TRPC5: variants seen among roughly 807,000 people sequenced by gnomAD.
TRPC5 encodes short transient receptor potential channel 5.
A neutral mutation model predicts 56.5 loss-of-function variants in TRPC5; 9 were observed. The ratio of observed to expected loss-of-function variants is 0.16; its 90% CI spans 0.10 to 0.28. The LOEUF (loss-of-function observed/expected upper bound fraction) is 0.28. Ranked by LOEUF, TRPC5 falls within the 10% of genes least tolerant of loss-of-function variation. TRPC5 has a pLI of 1.00. For missense variants in TRPC5, 469 were observed against 748.9 expected (o/e 0.63, Z 4.36); for synonymous variants, 282 against 278.5 (o/e 1.01, Z -0.13).
chrX:111,784,748 C>G (rs1945947369), intron 7 of TRPC5, among the ~76,000 whole-genome samples: 1 of 113,007 alleles, frequency 8.8e-6, no homozygotes, highest in Non-Finnish European at 1.9e-5. Flanking sequence ...GTCTTAGCAA[C>G]TGGCAGAGAA....
chrX:111,922,313 C>T (rs1940082809), intron 2 of TRPC5, among the ~76,000 whole-genome samples: 3 of 111,776 alleles, frequency 2.7e-5, no homozygotes, highest in Admixed American at 9.5e-5. Context: ...CCAACCTCTC[C>T]AACTGGCACT....
intron 1 of TRPC5, among the ~76,000 whole-genome samples, chrX:111,971,585 C>T (rs891246749): frequency 9.0e-6 from 1 of 111,604 alleles, no homozygotes; most frequent in Admixed American, 9.5e-5. Flanking sequence ...TTAATGAATC[C>T]TGATCATTGT....
At chrX:111,797,836 GATATATT>G (rs1330556493) in intron 7 of TRPC5, among the ~76,000 whole-genome samples, 5 of 111,142 alleles carry the variant, frequency 4.5e-5, no homozygotes, top group Non-Finnish European at 7.6e-5. Flanking sequence ...GCTTTATTGA[GATATATT>G]ATATACATCA....
chrX:111,852,984 CT>C (rs1923127105), intron 4 of TRPC5, among the ~76,000 whole-genome samples: 1 of 110,443 alleles, frequency 9.1e-6, no homozygotes, highest in Admixed American at 9.7e-5. Flanking sequence ...AAAATTTTAC[CT>C]GATGACATAG....
intron 3 of TRPC5, among the ~76,000 whole-genome samples, chrX:111,893,869 T>A (rs1924931639): frequency 8.9e-6 from 1 of 112,012 alleles, no homozygotes; most frequent in South Asian, 3.7e-4. Context: ...AAAGTGTAAA[T>A]ACTCTTTTTT....
intron 7 of TRPC5, among the ~76,000 whole-genome samples, chrX:111,806,556 G>T (rs944297418): frequency 8.9e-6 from 1 of 111,933 alleles, no homozygotes; most frequent in African/African-American, 3.2e-5. Flanking sequence ...CAGAGTAAGA[G>T]AGAGAGAAAA....
chrX:111,999,536 G>A (rs73548152), intron 1 of TRPC5, among the ~76,000 whole-genome samples: 6,661 of 111,738 alleles, frequency 0.06, 485 homozygotes, highest in African/African-American at 0.2. Context: ...CACTTAGATT[G>A]ACTCCATACC....
chrX:111,954,912 A>G (rs1927191016), intron 1 of TRPC5, among the ~76,000 whole-genome samples: 1 of 112,000 alleles, frequency 8.9e-6, no homozygotes, highest in Non-Finnish European at 1.9e-5. Flanking sequence ...AATAATCATT[A>G]GTTTTGAATA....
At chrX:111,793,199 AAG>A (rs376129637) in intron 7 of TRPC5, among the ~76,000 whole-genome samples, 7 of 111,273 alleles carry the variant, frequency 6.3e-5, no homozygotes, top group African/African-American at 2.3e-4. Flanking sequence ...CATCCCCAGG[AAG>A]AGAGTCCCAT....
rs745498154 is a variant in TRPC5, at chrX:111,843,884, G to GTGTGTA, written c.1700+3229_1700+3230insTACACA. 5.0e-3 allele frequency among the ~76,000 whole-genome samples: 504 copies of GTGTGTA among 101,077 alleles called. 9 individuals carry two copies. Among genetic ancestry groups the GTGTGTA allele is most frequent in the African/African-American group, 0.019 (488 of 25,660 alleles). 87.8% of individuals were successfully genotyped at this position (101,077 alleles called of 115,157 possible). ...AAGACAGTGGGATGAGTGTGTGTGT[G>GTGTGTA]TGTGTGTGTGTGTGTGTGTGTGTGT... is the stretch of plus-strand genomic sequence containing the variant. On this transcript the variant is annotated intron_variant, in intron 6 of 10. Transcript: ENST00000262839.
intron 1 of TRPC5, among the ~76,000 whole-genome samples, chrX:112,074,489 G>A (rs1169433888): frequency 1.8e-5 from 2 of 109,899 alleles, no homozygotes; most frequent in Admixed American, 9.8e-5. Context: ...TCCCAAATGG[G>A]TTATCATTAT....
intron 3 of TRPC5, among the ~76,000 whole-genome samples, chrX:111,883,085 C>CAA (rs59699981): frequency 4.4e-5 from 2 of 45,153 alleles, no homozygotes; most frequent in African/African-American, 6.7e-5. Flanking sequence ...GACTCTGTCT[C>CAA]AAAAAAAAAA....
chrX:111,845,402 C>T (rs1280866327), intron 6 of TRPC5, among the ~76,000 whole-genome samples: 2 of 111,650 alleles, frequency 1.8e-5, no homozygotes, highest in African/African-American at 6.5e-5. Flanking sequence ...TCTTCACACC[C>T]CAAGATATAA....
At chrX:111,825,173 TTCTTTCTTTCTTTC>T (rs1254007382) in intron 7 of TRPC5, among the ~76,000 whole-genome samples, 17 of 82,623 alleles carry the variant, frequency 2.1e-4, no homozygotes, top group African/African-American at 8.1e-4. Flanking sequence ...CTTTCTTTCT[TTCTTTCTTTCTTTC>T]TTTCTTTCTT....
At chrX:111,822,571 G>A (rs1032134835) in intron 7 of TRPC5, among the ~76,000 whole-genome samples, 5 of 111,639 alleles carry the variant, frequency 4.5e-5, no homozygotes, top group African/African-American at 1.6e-4. Flanking sequence ...TTCCATGATT[G>A]GACAGTCCAT....
chrX:111,847,498 T>G, intron 5 of TRPC5, 62 bp from the exon 6 acceptor site: 3 of 1,062,146 alleles, frequency 2.8e-6, no homozygotes, highest in Non-Finnish European at 3.8e-6. Flanking sequence ...AACTTTCCCT[T>G]TTTTCCTTGC....
intron 2 of TRPC5, among the ~76,000 whole-genome samples, chrX:111,937,571 A>C (rs1455911074): frequency 9.3e-6 from 1 of 107,893 alleles, no homozygotes; most frequent in Non-Finnish European, 1.9e-5. Flanking sequence ...ATGGCTAGCC[A>C]GTTTTCCCAG....
chrX:111,855,230 TC>T (rs1206662652), intron 3 of TRPC5, among the ~76,000 whole-genome samples: 1 of 111,930 alleles, frequency 8.9e-6, no homozygotes, highest in Non-Finnish European at 1.9e-5. Context: ...CAACCATTCT[TC>T]TTCTCCTTGA....
intron 3 of TRPC5, among the ~76,000 whole-genome samples, chrX:111,868,931 G>A (rs1923631816): frequency 9.0e-6 from 1 of 111,503 alleles, no homozygotes; most frequent in Non-Finnish European, 1.9e-5. Context: ...GTGTGTTAAG[G>A]ATGTGTTTAA....
Sources: gnomAD v4.1 joint callset for allele counts (sites outside exome capture counted in the v4.1 genomes callset) on GRCh38, gnomAD v4.1.1 for gene constraint, MANE v1.5 for transcripts, NCBI Gene and HGNC (gene_info 2026-07-23, HGNC 2026-07-21) for gene names.